Variants in SLC39A11 observed in about 807,000 individuals in gnomAD.
SLC39A11 encodes the protein solute carrier family 39 member 11.
A neutral mutation model predicts 36.1 loss-of-function variants in SLC39A11; 33 were observed. The ratio of observed to expected loss-of-function variants is 0.91; its 90% CI spans 0.69 to 1.22. The LOEUF is 1.22. Ranked by LOEUF, SLC39A11 falls within the 50% of genes most tolerant of loss-of-function variation. SLC39A11 has a pLI of 0.00. For missense variants in SLC39A11, 432 were observed against 430.3 expected (o/e 1.00, Z -0.03); for synonymous variants, 166 against 170.3 (o/e 0.97, Z 0.20).
chr17:72,963,733 G>T (rs1241832558), intron 4 of SLC39A11, among the ~76,000 whole-genome samples: 1 of 152,110 alleles, frequency 6.6e-6, no homozygotes, highest in Non-Finnish European at 1.5e-5. Context: ...ATGACAACAA[G>T]TCATTATATA....
chr17:72,766,311 C>A (rs2075756517), intron 6 of SLC39A11, among the ~76,000 whole-genome samples: 1 of 152,174 alleles, frequency 6.6e-6, no homozygotes, highest in Non-Finnish European at 1.5e-5. Flanking sequence ...CTGGAAGAAA[C>A]CATCGCCCAA....
chr17:72,737,738 C>T (rs1033963471), intron 6 of SLC39A11, among the ~76,000 whole-genome samples: 4 of 152,152 alleles, frequency 2.6e-5, no homozygotes, highest in African/African-American at 7.2e-5. Context: ...CTGGAAGGAA[C>T]ATCTTTCCCA....
intron 1 of SLC39A11, among the ~76,000 whole-genome samples, chr17:73,089,133 T>C (rs1456320019): frequency 1.3e-5 from 2 of 152,114 alleles, no homozygotes; most frequent in Non-Finnish European, 2.9e-5. Flanking sequence ...CCCCACATAA[T>C]CTGCCTCTTC....
At chr17:72,902,481 C>G (rs192119670) in intron 5 of SLC39A11, among the ~76,000 whole-genome samples, 1 of 152,314 alleles carries the variant, frequency 6.6e-6, no homozygotes, top group Admixed American at 6.5e-5. Flanking sequence ...GCCATGATTT[C>G]AGACCGATGG....
At chr17:73,034,162 C>T (rs2058829549) in intron 3 of SLC39A11, among the ~76,000 whole-genome samples, 1 of 152,176 alleles carries the variant, frequency 6.6e-6, no homozygotes, top group South Asian at 2.1e-4. Flanking sequence ...TCAGTAGCTG[C>T]CCTGCATGGT....
At chr17:72,785,745 T>C (rs1268153806) in intron 6 of SLC39A11, among the ~76,000 whole-genome samples, 1 of 152,210 alleles carries the variant, frequency 6.6e-6, no homozygotes, top group Non-Finnish European at 1.5e-5. Context: ...CATCGTTTTC[T>C]TTATTCCATG....
intron 4 of SLC39A11, among the ~76,000 whole-genome samples, chr17:72,953,832 CGT>C (rs755949323): frequency 1.3e-5 from 2 of 152,186 alleles, no homozygotes; most frequent in African/African-American, 2.4e-5. Context: ...TACTAACAAC[CGT>C]GTCTGAGGAT....
rs941305570 is a variant in SLC39A11, at chr17:73,067,957, G to A, written c.147+16851C>T. ...AGAGAGTTCCAACTTCTTGGTCTGG[G>A]GAAGGAGCAAAGGACTGATTCACAT... On this transcript the variant is annotated intron_variant, in intron 3 of 9. Transcript: ENST00000255559. The A allele has an allele frequency of 6.6e-5, 105 of 1,597,776 alleles. 4 individuals carry two copies. The South Asian group carries it at 1.1e-3, about 16-fold the overall frequency.
intron 4 of SLC39A11, among the ~76,000 whole-genome samples, chr17:72,950,987 C>A (rs2085819100): frequency 6.6e-6 from 1 of 151,966 alleles, no homozygotes; most frequent in Admixed American, 6.6e-5. Flanking sequence ...CAGGGCCAGG[C>A]ACAGTGGCTC....
intron 6 of SLC39A11, among the ~76,000 whole-genome samples, chr17:72,748,449 G>A (rs1355469870): frequency 6.6e-6 from 1 of 152,180 alleles, no homozygotes; most frequent in African/African-American, 2.4e-5. Context: ...ATGTTGACAA[G>A]TGTGCTTTTT....
intron 7 of SLC39A11, among the ~76,000 whole-genome samples, chr17:72,656,792 A>T (rs550305586): frequency 6.6e-6 from 1 of 152,186 alleles, no homozygotes; most frequent in Non-Finnish European, 1.5e-5. Flanking sequence ...GCATTGGGGG[A>T]ATCAGGGTTT....
At chr17:73,086,039 T>C (rs906437606) in intron 2 of SLC39A11, among the ~76,000 whole-genome samples, 1 of 152,160 alleles carries the variant, frequency 6.6e-6, no homozygotes. Flanking sequence ...GATTACTCCA[T>C]CTAAATAAAG....
chr17:73,063,029 G>T (rs981217551), intron 3 of SLC39A11, among the ~76,000 whole-genome samples: 1 of 152,098 alleles, frequency 6.6e-6, no homozygotes. Context: ...GTAAGTCTTG[G>T]GGGCCTGCTG....
chr17:72,891,963 C>A (rs1247881985), intron 5 of SLC39A11, among the ~76,000 whole-genome samples: 1 of 152,062 alleles, frequency 6.6e-6, no homozygotes, highest in African/African-American at 2.4e-5. Flanking sequence ...AGCACAGTGT[C>A]CAGCACACAG....
At chr17:73,032,647 C>T (rs2058775111) in intron 3 of SLC39A11, among the ~76,000 whole-genome samples, 1 of 152,076 alleles carries the variant, frequency 6.6e-6, no homozygotes. Flanking sequence ...CCACTTTTAC[C>T]TTTTAGCTGT....
chr17:72,718,437 T>G (rs1646239404), intron 7 of SLC39A11, among the ~76,000 whole-genome samples: 1 of 152,078 alleles, frequency 6.6e-6, no homozygotes, highest in South Asian at 2.1e-4. Context: ...AGACTCCATC[T>G]CAGGGGAAAA....
rs1229808521 is a variant in SLC39A11 at position 73,062,473 on chromosome 17, A to AC, written c.147+22334_147+22335insG. Among the ~76,000 whole-genome samples the AC allele has an allele frequency of 1.4e-5, 2 of 145,966 alleles. 1 individual carries two copies. The highest frequency in any genetic ancestry group is 5.0e-5 in the African/African-American group (2 of 40,232). On this transcript the variant is annotated intron_variant, in intron 3 of 9. Coordinates refer to ENST00000255559, the MANE Select transcript of SLC39A11 (RefSeq NM_139177.4). ...CCAGAGCTTGTCTCAAAAAAAAAAA[A>AC]AAAAACTTTAGGTGATACACTTCTG...
At chr17:72,938,570 C>T (rs1237919528) in intron 5 of SLC39A11, among the ~76,000 whole-genome samples, 2 of 152,160 alleles carry the variant, frequency 1.3e-5, no homozygotes, top group Non-Finnish European at 1.5e-5. Context: ...GTTGCATCCC[C>T]AGAAGGAGCT....
intron 5 of SLC39A11, among the ~76,000 whole-genome samples, chr17:72,933,943 C>T (rs192354324): frequency 1.3e-3 from 195 of 151,910 alleles, no homozygotes; most frequent in Non-Finnish European, 1.7e-3. Context: ...ATATGGCTCA[C>T]GAACTTTTTA....
Sources: allele counts gnomAD v4.1 joint callset (sites outside exome capture counted in the v4.1 genomes callset), GRCh38; gene constraint gnomAD v4.1.1; transcripts MANE v1.5; gene names NCBI Gene and HGNC (gene_info 2026-07-23, HGNC 2026-07-21).